Variants in AGBL4 observed in about 807,000 individuals in gnomAD.
AGBL4 encodes AGBL carboxypeptidase 4.
A neutral mutation model predicts 66.4 loss-of-function variants in AGBL4; 58 were observed. The observed-to-expected ratio is 0.87, with a 90% CI of 0.71 to 1.09. The LOEUF (loss-of-function observed/expected upper bound fraction) is 1.09, where lower values mean the gene tolerates loss of function less well. Ranked by LOEUF, AGBL4 falls within the 50% of genes least tolerant of loss-of-function variation. AGBL4 has a pLI of 0.00. For synonymous variants in AGBL4, 234 were observed against 222.9 expected, an observed-to-expected ratio of 1.05 and a Z score of -0.44; for missense variants, 579 against 631.0, an observed-to-expected ratio of 0.92 and a Z score of 0.88.
intron 5 of AGBL4, among the ~76,000 whole-genome samples, chr1:48,906,248 C>T (rs1652575157): frequency 6.6e-6 from 1 of 152,134 alleles, no homozygotes; most frequent in South Asian, 2.1e-4. Flanking sequence ...CCCATGAAAA[C>T]AAACATAGCA....
At position 49,389,773 on chromosome 1, in the gene AGBL4, G is replaced by A. The variant is rs541513779; in HGVS notation, c.283-143909C>T. ...TGTGCTCTTGGAAGACCCTTTTAAGGTTTCATATGACAAGGAAATCAGATT... is the reference window on the plus strand; with the variant it reads ...TGTGCTCTTGGAAGACCCTTTTAAGATTTCATATGACAAGGAAATCAGATT... On this transcript the variant is annotated intron_variant, in intron 3 of 13. Coordinates refer to ENST00000371839, the MANE Select transcript of AGBL4 (RefSeq NM_032785.4). Among the ~76,000 whole-genome samples, 12 of 152,244 alleles carry A rather than the reference G, an allele frequency of 7.9e-5. No homozygotes were observed. In the Middle Eastern group the frequency reaches 0.01, roughly 129 times the overall value.
downstream of AGBL4, among the ~76,000 whole-genome samples, chr1:48,529,599 G>A (rs1643895772): frequency 2.0e-5 from 3 of 152,062 alleles, no homozygotes; most frequent in Admixed American, 6.5e-5. Flanking sequence ...TGGCCCTGAT[G>A]CCCCTTTGGC....
rs369316659 is a variant in AGBL4 at position 49,948,051 on chromosome 1, A to T, written c.34+75712T>A. ...AAATATATATACATATAAATATATA[A>T]ATATATATATGTAAATATATGTAAA... On this transcript the variant is annotated intron_variant, in intron 1 of 13. Transcript: ENST00000371839. Among the ~76,000 whole-genome samples, 343 of 85,146 alleles carry T rather than the reference A, an allele frequency of 4.0e-3. 13 individuals carry two copies. The East Asian group carries it at 0.075, about 19-fold the overall frequency. The allele number at this position is 85,146 out of a possible 152,430, so 55.9% of individuals were successfully genotyped here.
chr1:49,567,070 G>A (rs1399236315), intron 3 of AGBL4, among the ~76,000 whole-genome samples: 3 of 152,184 alleles, frequency 2.0e-5, no homozygotes, highest in South Asian at 2.1e-4. Context: ...AGCAATGAGC[G>A]AGGCTCCGTG....
chr1:49,623,692 T>C (rs780386894), intron 3 of AGBL4, among the ~76,000 whole-genome samples: 11 of 152,178 alleles, frequency 7.2e-5, no homozygotes, highest in Non-Finnish European at 1.3e-4. Context: ...AAATACAGTG[T>C]TGTGAAATGA....
intron 3 of AGBL4, among the ~76,000 whole-genome samples, chr1:49,426,966 A>G (rs982407240): frequency 1.3e-5 from 2 of 152,170 alleles, no homozygotes; most frequent in African/African-American, 4.8e-5. Flanking sequence ...TGTCCTCCTT[A>G]TACATGCTGT....
chr1:49,132,074 T>C (rs1645908873), intron 4 of AGBL4, among the ~76,000 whole-genome samples: 1 of 152,092 alleles, frequency 6.6e-6, no homozygotes, highest in Admixed American at 6.6e-5. Flanking sequence ...TTGCAGAACA[T>C]TAATATTTAG....
intron 4 of AGBL4, among the ~76,000 whole-genome samples, chr1:49,123,413 G>A (rs1645700602): frequency 6.6e-6 from 1 of 152,144 alleles, no homozygotes; most frequent in Non-Finnish European, 1.5e-5. Flanking sequence ...AAGCTCAGTT[G>A]AGAGAAAAAA....
intron 3 of AGBL4, among the ~76,000 whole-genome samples, chr1:49,664,015 T>C (rs1646317800): frequency 6.6e-6 from 1 of 151,206 alleles, no homozygotes; most frequent in Admixed American, 6.6e-5. Flanking sequence ...CAAACAAGAG[T>C]AGTAATAAAG....
intron 5 of AGBL4, among the ~76,000 whole-genome samples, chr1:48,943,644 G>C (rs1018150852): frequency 6.6e-6 from 1 of 152,114 alleles, no homozygotes; most frequent in Non-Finnish European, 1.5e-5. Flanking sequence ...AATAAGACTT[G>C]GTCCTTACAG....
chr1:49,037,577 A>G (rs949256190), intron 5 of AGBL4, among the ~76,000 whole-genome samples: 7 of 152,096 alleles, frequency 4.6e-5, no homozygotes, highest in Admixed American at 1.3e-4. Context: ...TATCACAAGG[A>G]GCCATGCAAC....
At chr1:48,873,252 G>A (rs953461963) in intron 5 of AGBL4, among the ~76,000 whole-genome samples, 4 of 152,112 alleles carry the variant, frequency 2.6e-5, no homozygotes, top group African/African-American at 9.7e-5. Flanking sequence ...ACCACTTCTG[G>A]TTGCCAAATT....
At chr1:49,894,296 C>T (rs1648953672) in intron 1 of AGBL4, among the ~76,000 whole-genome samples, 1 of 152,100 alleles carries the variant, frequency 6.6e-6, no homozygotes, top group African/African-American at 2.4e-5. Flanking sequence ...AAATACCTAA[C>T]TCTTCAATGC....
At position 49,602,660 on chromosome 1, in the gene AGBL4, G is replaced by A. The variant is rs12746646; in HGVS notation, c.282+94653C>T. Among the ~76,000 whole-genome samples the A allele has an allele frequency of 7.9e-3, 1,201 of 152,034 alleles. 7 individuals carry two copies. The highest frequency in any genetic ancestry group is 0.012 in the Non-Finnish European group (782 of 67,966). On this transcript the variant is annotated intron_variant, in intron 3 of 13. Coordinates refer to ENST00000371839, the MANE Select transcript of AGBL4 (RefSeq NM_032785.4). ...TGGACAATGAGAACACATGGACACA[G>A]GGAGGGGAACATCACACACTGGGGC...
intron 8 of AGBL4, among the ~76,000 whole-genome samples, chr1:48,642,344 C>T (rs945378516): frequency 1.3e-5 from 2 of 152,126 alleles, no homozygotes; most frequent in African/African-American, 4.8e-5. Flanking sequence ...TATCTCCAAC[C>T]CTAAGAAATT....
At chr1:48,758,788 T>C in intron 6 of AGBL4, 2 of 959,234 alleles carry the variant, frequency 2.1e-6, no homozygotes, top group Non-Finnish European at 3.0e-6. Context: ...GAGTCTGTCC[T>C]TCCCTAGCCT....
intron 2 of AGBL4, among the ~76,000 whole-genome samples, chr1:49,705,738 T>G (rs1018334164): frequency 6.9e-6 from 1 of 145,256 alleles, no homozygotes; most frequent in Non-Finnish European, 1.5e-5. Flanking sequence ...TTATTGAGTG[T>G]TTTTTTTTTA....
At chr1:49,157,609 C>G (rs12130436) in intron 4 of AGBL4, among the ~76,000 whole-genome samples, 15,443 of 151,984 alleles carry the variant, frequency 0.1, 1,259 homozygotes, top group African/African-American at 0.22. Context: ...TAATGGGATT[C>G]CTGGGTCAAA....
intron 6 of AGBL4, among the ~76,000 whole-genome samples, chr1:48,700,474 A>G (rs1327207642): frequency 6.6e-6 from 1 of 152,220 alleles, no homozygotes; most frequent in Non-Finnish European, 1.5e-5. Context: ...CAAGGGCTTC[A>G]CTTAAGAGGA....
Sources: allele counts gnomAD v4.1 joint callset (sites outside exome capture counted in the v4.1 genomes callset), GRCh38; gene constraint gnomAD v4.1.1; transcripts MANE v1.5; gene names NCBI Gene and HGNC (gene_info 2026-07-23, HGNC 2026-07-21).